Variants in LAX1 observed in about 807,000 individuals in gnomAD.
LAX1 encodes the protein lymphocyte transmembrane adaptor 1, also known as lymphocyte transmembrane adapter 1.
Under a neutral mutation model 20.7 loss-of-function variants are expected in LAX1, and 17 were observed. The observed-to-expected ratio is 0.82, with a 90% CI of 0.56 to 1.23. The LOEUF (loss-of-function observed/expected upper bound fraction) is 1.23. Ranked by LOEUF, LAX1 falls within the 50% of genes most tolerant of loss-of-function variation. LAX1 has a pLI of 0.00. For synonymous variants in LAX1, 165 were observed against 181.0 expected (o/e 0.91, Z 0.71); for missense variants, 470 against 487.0 (o/e 0.97, Z 0.33).
At chr1:203,767,216 T>C (rs1423888464) in intron 1 of LAX1, among the ~76,000 whole-genome samples, 1 of 151,364 alleles carries the variant, frequency 6.6e-6, no homozygotes, top group Non-Finnish European at 1.5e-5. Flanking sequence ...TCCCTTGAAT[T>C]TTTCTTTCTC....
intron 2 of LAX1, 75 bp from the exon 3 acceptor site, chr1:203,771,292 T>C: frequency 1.1e-6 from 1 of 927,384 alleles, no homozygotes; most frequent in Non-Finnish European, 1.8e-6. Context: ...TCAGGGGCCA[T>C]CTCATTCCCA....
intron 1 of LAX1, among the ~76,000 whole-genome samples, chr1:203,769,441 GAAGGA>G (rs1667363091): frequency 2.1e-5 from 2 of 94,666 alleles, no homozygotes; most frequent in Admixed American, 1.2e-4. Flanking sequence ...AAGAAAGAAA[GAAGGA>G]AAGAAAGAAA....
In LAX1 at chr1:203,776,102, G is replaced by A. The variant is rs1451097458; in HGVS notation, c.*1421G>A. On this transcript the variant is annotated 3_prime_UTR_variant, in exon 5 of 5. Transcript: ENST00000442561. Reference sequence around the variant, plus strand: ...CGGGGCCGAGGCAGGGGAACACAAGGTCAGGAGATCAAGACTGTCCTGGAC... The same window carrying A: ...CGGGGCCGAGGCAGGGGAACACAAGATCAGGAGATCAAGACTGTCCTGGAC... 4 of 152,212 alleles carry A rather than the reference G, an allele frequency of 2.6e-5. No homozygotes were observed. Among genetic ancestry groups the A allele is most frequent in the African/African-American group, 9.7e-5 (4 of 41,438 alleles). 9.4% of individuals were successfully genotyped at this position (152,212 alleles called of 1,614,324 possible).
chr1:203,770,452 AGAAAGGAAGGAAGG>A (rs1558070513), intron 1 of LAX1, among the ~76,000 whole-genome samples: 1 of 27,838 alleles, frequency 3.6e-5, no homozygotes, highest in African/African-American at 9.9e-5. Context: ...AGAGAGAGAG[AGAAAGGAAGGAAGG>A]AAGGAAGGAA....
intron 1 of LAX1, among the ~76,000 whole-genome samples, chr1:203,770,013 T>C (rs974808367): frequency 2.0e-5 from 3 of 152,150 alleles, no homozygotes; most frequent in African/African-American, 7.2e-5. Flanking sequence ...AGATTCATAT[T>C]CCTTCTCTGC....
At chr1:203,766,054 T>C (rs774699031) in intron 1 of LAX1, among the ~76,000 whole-genome samples, 1 of 152,206 alleles carries the variant, frequency 6.6e-6, no homozygotes, top group African/African-American at 2.4e-5. Flanking sequence ...AATGTAGTGA[T>C]AGATGTAATA....
Position 203,770,947 on chromosome 1 carries a change from T to G in LAX1, c.199+10T>G. ...AATAAACGGAAGAAGCGTGAGTCCC[T>G]TGTTTGTCCTGAGTTGAGACACAGT... On this transcript the variant is annotated intron_variant, in intron 2 of 4. Transcript: ENST00000442561. 1.3e-6 allele frequency: 2 copies of G among 1,586,252 alleles called. No individual in the cohort carries two copies. The highest frequency in any genetic ancestry group is 1.7e-6 in the Non-Finnish European group (2 of 1,154,378).
At chr1:203,772,288 G>T in intron 4 of LAX1, 141 bp downstream of exon 4, 1 of 669,986 alleles carries the variant, frequency 1.5e-6, no homozygotes, top group South Asian at 1.8e-5. Context: ...TTAATAAATT[G>T]GGAAGACTAG....
chr1:203,770,523 A>AAAAGAC (rs1667399902), intron 1 of LAX1, among the ~76,000 whole-genome samples: 1 of 132,848 alleles, frequency 7.5e-6, no homozygotes, highest in Non-Finnish European at 1.6e-5. Flanking sequence ...GAAAGAAAGA[A>AAAAGAC]AGAAAGAAAG....
At chr1:203,766,706 A>G (rs557632082) in intron 1 of LAX1, among the ~76,000 whole-genome samples, 2 of 152,344 alleles carry the variant, frequency 1.3e-5, no homozygotes, top group South Asian at 4.1e-4. Flanking sequence ...ACATTGTACA[A>G]TAGCTACATT....
rs1667292359 is a variant in LAX1, at chr1:203,765,630, A to G, written c.65A>G (p.His22Arg). The change falls in exon 1 of 5, where the codon CAT becomes CGT. Residue 22 changes from histidine (H) to arginine (R), a missense_variant. Physicochemically the swap from His to Arg is conservative, Grantham distance 29. Transcript: ENST00000442561. ...RGRTLESSTLHVTPRSLDRNK... is the reference protein window; with the variant it reads ...RGRTLESSTLRVTPRSLDRNK... Reference sequence around the variant, plus strand: ...AGGACCTTGGAGTCCAGCACTCTGCATGTGACTCCCCGCAGCCTGGACAGG... The same window carrying G: ...AGGACCTTGGAGTCCAGCACTCTGCGTGTGACTCCCCGCAGCCTGGACAGG... The G allele has an allele frequency of 1.9e-6, 3 of 1,614,030 alleles. No homozygotes were observed. Among genetic ancestry groups the G allele is most frequent in the African/African-American group, 2.7e-5 (2 of 74,928 alleles).
rs1180536687 is a variant in LAX1 at position 203,774,903 on chromosome 1, T to C, written c.*222T>C. 5 of 567,388 alleles carry C rather than the reference T, an allele frequency of 8.8e-6. No individual in the cohort carries two copies. The highest frequency in any genetic ancestry group is 5.6e-5 in the African/African-American group (3 of 53,474). 35.1% of individuals were successfully genotyped at this position (567,388 alleles called of 1,614,324 possible). ...TCTCAAGCAGAGTGTGGTTATCTCC[T>C]GTACCAGCCTAAGAATGTTTGCTGA... is the stretch of plus-strand genomic sequence containing the variant. On this transcript the variant is annotated 3_prime_UTR_variant, in exon 5 of 5. Coordinates refer to ENST00000442561, the MANE Select transcript of LAX1 (RefSeq NM_017773.4).
intron 1 of LAX1, among the ~76,000 whole-genome samples, chr1:203,769,397 A>AAAGAAAGAAAG (rs1553254194): frequency 1.3e-5 from 1 of 76,688 alleles, no homozygotes; most frequent in African/African-American, 5.4e-5. Flanking sequence ...GTCTCAAAAA[A>AAAGAAAGAAAG]AAAGAAAGAA....
chr1:203,775,043 C>T lies in LAX1; in HGVS notation c.*362C>T, dbSNP rs191616718. ...CAAGAGTATAGATTATTGTATAATC[C>T]AGTCAGAGGTCAAAAGGAAGGAAGA... On this transcript the variant is annotated 3_prime_UTR_variant, in exon 5 of 5. Transcript: ENST00000442561. 1,543 of 206,452 alleles carry T rather than the reference C, an allele frequency of 7.5e-3. 21 individuals are homozygous for T. The highest frequency in any genetic ancestry group is 0.034 in the African/African-American group (1,462 of 43,114). The allele number at this position is 206,452 out of a possible 1,614,324, so 12.8% of individuals were successfully genotyped here.
intron 1 of LAX1, 49 bp downstream of exon 1, chr1:203,765,703 A>T: frequency 6.4e-7 from 1 of 1,567,504 alleles, no homozygotes; most frequent in South Asian, 1.1e-5. Flanking sequence ...TTTAGGCAGA[A>T]GGTCCTAGTC....
In LAX1 at chr1:203,775,502, C is replaced by T. The variant is rs1156331610; in HGVS notation, c.*821C>T. 1 of 152,126 alleles carries T rather than the reference C, an allele frequency of 6.6e-6. No individual in the cohort carries two copies. The highest frequency in any genetic ancestry group is 2.4e-5 in the African/African-American group (1 of 41,416). The allele number at this position is 152,126 out of a possible 1,614,324, so 9.4% of individuals were successfully genotyped here. ...ATGGGATTGCAAAGCGTCAGGGCAG[C>T]TTTGAAAAACTTTTCAGCAGTTTCT... On this transcript the variant is annotated 3_prime_UTR_variant, in exon 5 of 5. Transcript: ENST00000442561.
rs34901413 is a variant in LAX1 at position 203,772,725 on chromosome 1, A to ATTT, written c.390+588_390+590dup. ...ACAGGCATGAGCCACCGTGCCCAGC[A>ATTT]TTTTTTTTTTTTCTTTTTTTGCTCA... On this transcript the variant is annotated intron_variant, in intron 4 of 4. Coordinates refer to ENST00000442561, the MANE Select transcript of LAX1 (RefSeq NM_017773.4). 2.6e-3 allele frequency among the ~76,000 whole-genome samples: 357 copies of ATTT among 137,664 alleles called. 2 individuals are homozygous for ATTT. The highest frequency in any genetic ancestry group is 5.3e-3 in the African/African-American group (187 of 35,578). 90.3% of individuals were successfully genotyped at this position (137,664 alleles called of 152,430 possible).
At chr1:203,771,329 C>G (rs774424283) in intron 2 of LAX1, 38 bp from the exon 3 acceptor site, 3 of 1,249,636 alleles carry the variant, frequency 2.4e-6, no homozygotes, top group Non-Finnish European at 3.5e-6. Flanking sequence ...GTGCAGCTGA[C>G]CCCCGCCATG....
chr1:203,770,463 AAGGAAGGAAGGAAGGAAGG>A lies in LAX1; in HGVS notation c.90-363_90-345del, dbSNP rs1571805089. Among the ~76,000 whole-genome samples the A allele has an allele frequency of 1.7e-3, 19 of 11,436 alleles. 2 individuals are homozygous for A. The highest frequency in any genetic ancestry group is 9.6e-3 in the East Asian group (5 of 522). 7.5% of individuals were successfully genotyped at this position (11,436 alleles called of 152,430 possible). A position where few individuals can be genotyped will look rare whatever the true frequency, so the allele number is the denominator to read the frequency against. On this transcript the variant is annotated intron_variant, in intron 1 of 4. Transcript: ENST00000442561. The stretch of plus-strand genomic sequence containing the variant: ...AGAGAGAGAGAGAGAGAAAGGAAGG[AAGGAAGGAAGGAAGGAAGG>A]AAGGAAGGAAGGAAGGAAGGAAGGA...
Sources: allele counts gnomAD v4.1 joint callset (sites outside exome capture counted in the v4.1 genomes callset), GRCh38; gene constraint gnomAD v4.1.1; transcripts MANE v1.5; gene names NCBI Gene and HGNC (gene_info 2026-07-23, HGNC 2026-07-21).